PDE1C: variants seen among roughly 807,000 people sequenced by gnomAD.
PDE1C encodes dual specificity calcium/calmodulin-dependent 3',5'-cyclic nucleotide phosphodiesterase 1C.
A neutral mutation model predicts 93.1 loss-of-function variants in PDE1C; 62 were observed. The observed-to-expected ratio is 0.67, with a 90% confidence interval of 0.54 to 0.82. The LOEUF (loss-of-function observed/expected upper bound fraction) is 0.82. PDE1C is among the 40% of genes least tolerant of loss of function. The pLI, the probability that PDE1C is intolerant of heterozygous loss-of-function variation, is 0.00. For synonymous variants in PDE1C, 325 were observed against 310.1 expected (o/e 1.05, Z -0.50); for missense variants, 742 against 884.6 (o/e 0.84, Z 2.04).
intron 2 of PDE1C, among the ~76,000 whole-genome samples, chr7:31,981,258 T>G (rs1812330812): frequency 6.6e-6 from 1 of 152,204 alleles, no homozygotes; most frequent in Non-Finnish European, 1.5e-5. Flanking sequence ...TCTGGGGATG[T>G]GAAGCATAGA....
the PDE1C span, among the ~76,000 whole-genome samples, chr7:31,646,782 G>A: frequency 2.6e-5 from 4 of 152,156 alleles, no homozygotes; most frequent in Non-Finnish European, 5.9e-5. Flanking sequence ...TAAACAAGTA[G>A]GAGTTTGAAT....
the PDE1C span, among the ~76,000 whole-genome samples, chr7:31,663,987 A>G: frequency 1.3e-5 from 2 of 152,214 alleles, no homozygotes; most frequent in Admixed American, 1.3e-4. Context: ...AGAATAACAA[A>G]TATTTCTGGT....
At chr7:31,965,946 C>G (rs1043543907) in intron 2 of PDE1C, among the ~76,000 whole-genome samples, 1 of 152,160 alleles carries the variant, frequency 6.6e-6, no homozygotes, top group Admixed American at 6.6e-5. Flanking sequence ...CCTAAAAGAG[C>G]TCCTGAAGGA....
At chr7:31,667,624 G>C in the PDE1C span, among the ~76,000 whole-genome samples, 4 of 135,608 alleles carry the variant, frequency 2.9e-5, no homozygotes, top group Non-Finnish European at 6.2e-5. Context: ...TGTATGAATA[G>C]ACAAGTAAAC....
intron 1 of PDE1C, among the ~76,000 whole-genome samples, chr7:32,209,790 T>C (rs1481086444): frequency 2.6e-5 from 4 of 152,126 alleles, no homozygotes; most frequent in African/African-American, 4.8e-5. Context: ...CTCAACAACA[T>C]CCAGTTTAGT....
At chr7:32,218,073 C>T (rs1266428057) in intron 1 of PDE1C, among the ~76,000 whole-genome samples, 1 of 152,206 alleles carries the variant, frequency 6.6e-6, no homozygotes, top group Non-Finnish European at 1.5e-5. Context: ...ACCACACCAC[C>T]AGCCTCATTG....
At chr7:32,124,371 A>G (rs996633251) in intron 3 of PDE1C, among the ~76,000 whole-genome samples, 6 of 152,226 alleles carry the variant, frequency 3.9e-5, no homozygotes, top group Admixed American at 3.3e-4. Flanking sequence ...TTCATATGGA[A>G]TCAAAGAAGA....
chr7:31,731,228 T>G, the PDE1C span, among the ~76,000 whole-genome samples: 1 of 152,038 alleles, frequency 6.6e-6, no homozygotes, highest in South Asian at 2.1e-4. Flanking sequence ...GAAGCACACC[T>G]CACCAAGCTC....
intron 17 of PDE1C, among the ~76,000 whole-genome samples, chr7:31,764,779 C>A (rs1311176421): frequency 6.6e-6 from 1 of 152,066 alleles, no homozygotes; most frequent in African/African-American, 2.4e-5. Flanking sequence ...TATATGCATC[C>A]CCAGAACTTA....
chr7:31,952,694 T>C (rs1280312867), intron 2 of PDE1C, among the ~76,000 whole-genome samples: 3 of 152,180 alleles, frequency 2.0e-5, no homozygotes, highest in East Asian at 3.9e-4. Flanking sequence ...ATCTGGAAAA[T>C]GGACTAATGA....
At chr7:31,642,098 C>T in the PDE1C span, 1 of 916,828 alleles carries the variant, frequency 1.1e-6, no homozygotes, top group South Asian at 1.6e-5. Flanking sequence ...GTGTGTCAGG[C>T]ACCTAGAGGG....
chr7:31,753,676 T>G lies in PDE1C; in HGVS notation c.1961-123A>C, dbSNP rs116123743. On this transcript the variant is annotated intron_variant, in intron 17 of 17. Transcript: ENST00000396191. Reference sequence around the variant, plus strand: ...TCCTCCAAGACCAGGAAAGAAGCAGTTTGGATTCTCCCTGGAAACCTTATG... The same window carrying G: ...TCCTCCAAGACCAGGAAAGAAGCAGGTTGGATTCTCCCTGGAAACCTTATG... 4.1e-3 allele frequency: 5,553 copies of G among 1,358,098 alleles called. 192 individuals are homozygous for G. The African/African-American group carries it at 0.074, about 18-fold the overall frequency. The allele number at this position is 1,358,098 out of a possible 1,614,324, so 84.1% of individuals were successfully genotyped here.
At chr7:32,057,379 T>A (rs1261359154) in intron 1 of PDE1C, among the ~76,000 whole-genome samples, 1 of 152,226 alleles carries the variant, frequency 6.6e-6, no homozygotes, top group Non-Finnish European at 1.5e-5. Flanking sequence ...CAAGAAGTAT[T>A]AAATGATGCA....
intron 1 of PDE1C, among the ~76,000 whole-genome samples, chr7:32,258,044 A>G (rs866896748): frequency 1.4e-4 from 21 of 152,250 alleles, no homozygotes; most frequent in African/African-American, 4.8e-4. Context: ...GTTTCTCTGC[A>G]GAGTTTCCAG....
intron 1 of PDE1C, 90 bp from the exon 2 acceptor site, chr7:32,051,670 G>T: frequency 9.8e-7 from 1 of 1,020,098 alleles, no homozygotes; most frequent in Non-Finnish European, 1.6e-6. Context: ...TGGGCATGGG[G>T]GTCAACACTT....
chr7:31,651,653 T>G, the PDE1C span, among the ~76,000 whole-genome samples: 3 of 152,020 alleles, frequency 2.0e-5, no homozygotes, highest in East Asian at 5.8e-4. Flanking sequence ...CTTGGGGAAA[T>G]AGAAGTGTTT....
chr7:31,651,949 G>A, the PDE1C span: 13 of 1,594,620 alleles, frequency 8.2e-6, no homozygotes, highest in East Asian at 4.5e-5. Context: ...GGAGGAGGCC[G>A]AGCAACTGCA....
At chr7:31,765,918 C>A (rs577045653) in intron 17 of PDE1C, among the ~76,000 whole-genome samples, 342 of 152,210 alleles carry the variant, frequency 2.2e-3, no homozygotes, top group Non-Finnish European at 3.9e-3. Context: ...CACAGGCCTG[C>A]CCCCTGCTAA....
At chr7:31,619,104 T>C in the PDE1C span, among the ~76,000 whole-genome samples, 3 of 152,354 alleles carry the variant, frequency 2.0e-5, no homozygotes, top group South Asian at 6.2e-4. Context: ...TTACCTTTAA[T>C]CTGTGTATAT....
Sources: allele counts gnomAD v4.1 joint callset (sites outside exome capture counted in the v4.1 genomes callset), GRCh38; gene constraint gnomAD v4.1.1; transcripts MANE v1.5; gene names NCBI Gene and HGNC (gene_info 2026-07-23, HGNC 2026-07-21).